Variants in PAPPA2 observed in about 807,000 individuals in gnomAD.
PAPPA2 encodes pappalysin-2.
In PAPPA2, 86 loss-of-function variants were observed where a neutral mutation model predicts 176.4. That is an observed-to-expected ratio of 0.49 (90% CI 0.41 to 0.58). The LOEUF (loss-of-function observed/expected upper bound fraction) is 0.58. Among genes scored for constraint, PAPPA2 ranks in the 20% least tolerant of loss-of-function variants. The pLI is 0.00. For missense variants in PAPPA2, 2,073 were observed against 2,256.9 expected, an observed-to-expected ratio of 0.92 and a Z score of 1.65; for synonymous variants, 809 against 852.2, an observed-to-expected ratio of 0.95 and a Z score of 0.88.
intron 1 of PAPPA2, among the ~76,000 whole-genome samples, chr1:176,551,299 G>A (rs938244924): frequency 9.2e-5 from 14 of 152,230 alleles, no homozygotes; most frequent in African/African-American, 2.4e-4. Flanking sequence ...GTTTGTTTCC[G>A]GGTGTCATTT....
chr1:176,650,295 G>T (rs938055670), intron 3 of PAPPA2, among the ~76,000 whole-genome samples: 2 of 149,266 alleles, frequency 1.3e-5, no homozygotes, highest in Admixed American at 1.3e-4. Flanking sequence ...AATAAATTGG[G>T]TTTCTTGTGG....
At chr1:176,823,314 A>G (rs938167057) in intron 21 of PAPPA2, among the ~76,000 whole-genome samples, 1 of 152,236 alleles carries the variant, frequency 6.6e-6, no homozygotes, top group Non-Finnish European at 1.5e-5. Context: ...AACATAAAGT[A>G]TTATTAGTCT....
chr1:176,826,223 T>C (rs1370330869), intron 21 of PAPPA2, among the ~76,000 whole-genome samples: 9 of 152,050 alleles, frequency 5.9e-5, no homozygotes, highest in Non-Finnish European at 1.3e-4. Flanking sequence ...TTTTAGAAAA[T>C]ACAACTGAGA....
chr1:176,569,963 A>C (rs935776013), intron 2 of PAPPA2, among the ~76,000 whole-genome samples: 1 of 152,202 alleles, frequency 6.6e-6, no homozygotes, highest in Non-Finnish European at 1.5e-5. Context: ...TATACCTGAC[A>C]AATGTAGACT....
chr1:176,659,081 A>G (rs998496046), intron 3 of PAPPA2, among the ~76,000 whole-genome samples: 1 of 152,024 alleles, frequency 6.6e-6, no homozygotes, highest in African/African-American at 2.4e-5. Flanking sequence ...AGCATGAATA[A>G]AAAAGAAAAC....
intron 2 of PAPPA2, among the ~76,000 whole-genome samples, chr1:176,582,772 A>G (rs1653068160): frequency 6.6e-6 from 1 of 152,212 alleles, no homozygotes; most frequent in South Asian, 2.1e-4. Context: ...CTGGCCTAGT[A>G]GAATGAGTTT....
intron 1 of PAPPA2, among the ~76,000 whole-genome samples, chr1:176,469,059 C>T (rs1387715928): frequency 6.6e-6 from 1 of 152,178 alleles, no homozygotes; most frequent in African/African-American, 2.4e-5. Context: ...TATCCTGCCT[C>T]CAAATATTTG....
chr1:176,538,510 T>C (rs6663136), intron 1 of PAPPA2, among the ~76,000 whole-genome samples: 21,757 of 152,188 alleles, frequency 0.14, 1,760 homozygotes, highest in African/African-American at 0.2. Flanking sequence ...CAATTCAGAT[T>C]TCTTCCTGAA....
intron 19 of PAPPA2, among the ~76,000 whole-genome samples, chr1:176,792,162 C>G (rs566491602): frequency 6.6e-6 from 1 of 152,322 alleles, no homozygotes; most frequent in African/African-American, 2.4e-5. Context: ...GAATAGGCTC[C>G]AGAGTCGTGG....
intron 21 of PAPPA2, among the ~76,000 whole-genome samples, chr1:176,838,492 C>T (rs536894893): frequency 2.6e-5 from 4 of 152,260 alleles, no homozygotes; most frequent in Admixed American, 6.5e-5. Context: ...AAGATACACT[C>T]CAAACACTTG....
chr1:176,528,137 A>T (rs1649597403), intron 1 of PAPPA2, among the ~76,000 whole-genome samples: 1 of 152,150 alleles, frequency 6.6e-6, no homozygotes, highest in East Asian at 1.9e-4. Context: ...AATGGGCTGC[A>T]TTCAATTGGA....
intron 2 of PAPPA2, among the ~76,000 whole-genome samples, chr1:176,579,727 G>A (rs145667068): frequency 1.0e-3 from 152 of 152,256 alleles, no homozygotes; most frequent in African/African-American, 3.4e-3. Context: ...AAATAGACTT[G>A]GTTTTGATAC....
Position 176,695,730 on chromosome 1 carries a change from C to A in PAPPA2, c.2625-8C>A, listed in dbSNP as rs1314119880. ...TCATCTCCCATCTCCATCCCTTTAT[C>A]TCCCCAGGGCCTCAGGCAGCTTGTG... On this transcript the variant is annotated splice_region_variant and splice_polypyrimidine_tract_variant and intron_variant, in intron 6 of 22. Coordinates refer to ENST00000367662, the MANE Select transcript of PAPPA2 (RefSeq NM_020318.3). The A allele has an allele frequency of 2.5e-6, 4 of 1,613,718 alleles. No individual in the cohort carries two copies. The highest frequency in any genetic ancestry group is 3.4e-6 in the Non-Finnish European group (4 of 1,179,822).
intron 3 of PAPPA2, among the ~76,000 whole-genome samples, chr1:176,667,633 GCTC>G (rs1419295496): frequency 6.6e-6 from 1 of 152,138 alleles, no homozygotes; most frequent in East Asian, 1.9e-4. Context: ...GTGCAGTCAG[GCTC>G]CTCCTCTGGA....
chr1:176,710,883 G>A (rs562871195), intron 11 of PAPPA2, among the ~76,000 whole-genome samples: 6 of 152,242 alleles, frequency 3.9e-5, no homozygotes, highest in Middle Eastern at 3.4e-3. Flanking sequence ...CAAGGACCCA[G>A]GGTCTCCTAG....
chr1:176,690,344 T>G lies in PAPPA2; in HGVS notation c.2345T>G (p.Leu782Arg), dbSNP rs370094122. ...ACCGCCCCCACTCCCAAGAGTGAGC[T>G]GTGCCGGGAACCAGAGCCCACTAGT... ...ADTAPTPKSE[L>R]CREPEPTSDT... The change falls in exon 5 of 23, where the codon CTG (leucine) becomes CGG (arginine). Residue 782 changes from leucine (L) to arginine (R), a missense_variant. Coordinates refer to ENST00000367662, the MANE Select transcript of PAPPA2 (RefSeq NM_020318.3). The G allele has an allele frequency of 1.9e-5, 30 of 1,614,208 alleles. No homozygotes were observed. In the African/African-American group the frequency reaches 3.6e-4, roughly 19 times the overall value.
intron 10 of PAPPA2, among the ~76,000 whole-genome samples, chr1:176,708,958 G>A (rs1034521879): frequency 3.3e-5 from 5 of 152,022 alleles, no homozygotes; most frequent in African/African-American, 9.7e-5. Context: ...TTTGAATTGT[G>A]CCATTAATAT....
At chr1:176,838,761 A>T (rs1206732368) in intron 21 of PAPPA2, among the ~76,000 whole-genome samples, 6 of 152,244 alleles carry the variant, frequency 3.9e-5, no homozygotes, top group Non-Finnish European at 7.3e-5. Context: ...TGAAAGCAGA[A>T]TTCATTTTCA....
chr1:176,777,055 CT>C (rs1335203177), intron 17 of PAPPA2, among the ~76,000 whole-genome samples: 1 of 151,996 alleles, frequency 6.6e-6, no homozygotes, highest in Non-Finnish European at 1.5e-5. Context: ...CAGCAAATCA[CT>C]TCATTTCTCT....
Sources: allele counts gnomAD v4.1 joint callset (sites outside exome capture counted in the v4.1 genomes callset), GRCh38; gene constraint gnomAD v4.1.1; transcripts MANE v1.5; gene names NCBI Gene and HGNC (gene_info 2026-07-23, HGNC 2026-07-21).